Variants in TRNT1 observed in about 807,000 individuals in gnomAD.
The protein encoded by TRNT1 is tRNA nucleotidyl transferase 1.
TRNT1 carries 44 observed loss-of-function variants against 45.6 expected under a neutral mutation model. The observed-to-expected ratio is 0.97, with a 90% confidence interval of 0.76 to 1.24. The LOEUF is 1.24. Ranked by LOEUF, TRNT1 falls within the 50% of genes most tolerant of loss-of-function variation. The pLI is 0.00. For synonymous variants in TRNT1, 201 were observed against 171.4 expected (o/e 1.17, Z -1.35); for missense variants, 633 against 504.4 (o/e 1.25, Z -2.44).
chr3:3,147,529 T>C lies in TRNT1; in HGVS notation c.882T>C (p.Thr294=). 7 of 1,613,992 alleles carry C rather than the reference T, an allele frequency of 4.3e-6. No individual in the cohort carries two copies. The highest frequency in any genetic ancestry group is 5.9e-6 in the Non-Finnish European group (7 of 1,179,880). ...ATGGTTTTTCACCAAAGCCAGTGAC[T>C]CTTTTGGCCTCATTATTCAAAGTAC... ...NVDGFSPKPV[T]LLASLFKVQD... is the part of the protein sequence containing the mutation. Residue 294 remains threonine, a synonymous_variant, in exon 7 of 8, where the codon ACT becomes ACC. Coordinates refer to ENST00000251607, the MANE Select transcript of TRNT1 (RefSeq NM_182916.3).
chr3:3,146,297 T>A, intron 5 of TRNT1, 133 bp from the exon 6 acceptor site: 1 of 601,278 alleles, frequency 1.7e-6, no homozygotes. Flanking sequence ...CTAAGGTCCC[T>A]TCTAGACCTA....
In TRNT1 at chr3:3,148,125, G is replaced by GAACT; in HGVS notation, c.1277_1280dup (p.Leu428ThrfsTer40). The GAACT allele has an allele frequency of 6.2e-7, 1 of 1,613,604 alleles. No homozygotes were observed. The highest frequency in any genetic ancestry group is 8.5e-7 in the Non-Finnish European group (1 of 1,179,718). On this transcript the variant is annotated frameshift_variant, in exon 8 of 8. Transcript: ENST00000251607. LOFTEE classifies it high-confidence loss of function. The stretch of plus-strand genomic sequence containing the variant: ...AAGTGGTTACCAAATGGAAAAAGAT[G>GAACT]AACTTCTGAGTTACATAAAGAAGAC...
intron 2 of TRNT1, among the ~76,000 whole-genome samples, chr3:3,136,207 T>C (rs144827151): frequency 0.013 from 1,953 of 152,318 alleles, 54 homozygotes; most frequent in African/African-American, 0.045. Flanking sequence ...GGTCACAGAA[T>C]GGGCTTGTCT....
downstream of TRNT1, among the ~76,000 whole-genome samples, chr3:3,151,962 G>T (rs1705804): frequency 0.67 from 101,450 of 151,986 alleles, 36,087 homozygotes; most frequent in Middle Eastern, 0.84. Flanking sequence ...AGTTCTACTG[G>T]GTCATAAGAC....
intron 2 of TRNT1, among the ~76,000 whole-genome samples, chr3:3,134,696 A>G (rs1173360522): frequency 1.3e-5 from 2 of 152,058 alleles, no homozygotes; most frequent in Admixed American, 6.5e-5. Flanking sequence ...AAAACCCAAT[A>G]CTTACCAGTG....
downstream of TRNT1, among the ~76,000 whole-genome samples, chr3:3,151,759 A>G (rs192143338): frequency 1.3e-5 from 2 of 152,268 alleles, no homozygotes; most frequent in East Asian, 3.9e-4. Context: ...CCCTCTTTGA[A>G]AACTGAAGAT....
rs574550338 is a variant in TRNT1 at position 3,138,847 on chromosome 3, C to G, written c.342+1394C>G. On this transcript the variant is annotated intron_variant, in intron 3 of 7. Transcript: ENST00000251607. ...ATTTTGACAGTGTCTTTGTTTCCTC[C>G]GAGTGTTTTCTTTCAGGTTGGCTTT... is the stretch of plus-strand genomic sequence containing the variant. 3.9e-5 allele frequency among the ~76,000 whole-genome samples: 6 copies of G among 152,166 alleles called. No individual in the cohort carries two copies. The South Asian group carries it at 1.2e-3, about 32-fold the overall frequency.
rs191281225 is a variant in TRNT1 at position 3,147,219 on chromosome 3, T to C, written c.803-231T>C. On this transcript the variant is annotated intron_variant, in intron 6 of 7. Transcript: ENST00000251607. ...CCACTGTCACCACTACCCCTGGAAC[T>C]CTTGATGTAGCTTTAATGGAAACAA... Among the ~76,000 whole-genome samples, 552 of 152,270 alleles carry C rather than the reference T, an allele frequency of 3.6e-3. 5 individuals carry two copies. The highest frequency in any genetic ancestry group is 0.012 in the African/African-American group (519 of 41,548).
chr3:3,153,011 T>C (rs950129213), downstream of TRNT1: 11 of 297,472 alleles, frequency 3.7e-5, no homozygotes, highest in African/African-American at 2.4e-4. Context: ...TGTCATAAAA[T>C]GATTTTCAAA....
At chr3:3,144,527 G>C in intron 4 of TRNT1, 57 bp from the exon 5 acceptor site, 1 of 1,502,668 alleles carries the variant, frequency 6.7e-7, no homozygotes, top group Non-Finnish European at 9.1e-7. Flanking sequence ...ATTTTCTTGT[G>C]TTTTCAAATT....
In TRNT1 at chr3:3,146,684, A is replaced by G. The variant is rs1346380869; in HGVS notation, c.802+61A>G. ...AGTGAAATATCTGGTTTCAAATTTC[A>G]TAAGGAAAAAATGTTTGACTCATTT... is the stretch of plus-strand genomic sequence containing the variant. On this transcript the variant is annotated intron_variant, in intron 6 of 7. Coordinates refer to ENST00000251607, the MANE Select transcript of TRNT1 (RefSeq NM_182916.3). The G allele has an allele frequency of 2.4e-5, 33 of 1,390,592 alleles. No homozygotes were observed. In the East Asian group the frequency reaches 4.7e-4, roughly 20 times the overall value. 86.1% of individuals were successfully genotyped at this position (1,390,592 alleles called of 1,614,324 possible). A position where few individuals can be genotyped will look rare whatever the true frequency, so the allele number is the denominator to read the frequency against.
chr3:3,152,907 G>C, downstream of TRNT1: 1 of 373,984 alleles, frequency 2.7e-6, no homozygotes, highest in East Asian at 5.9e-5. Context: ...GAGAGTGTAA[G>C]TGCAATGACA....
chr3:3,152,766 G>C (rs536256622), downstream of TRNT1, among the ~76,000 whole-genome samples: 1 of 152,172 alleles, frequency 6.6e-6, no homozygotes, highest in Non-Finnish European at 1.5e-5. Context: ...ACAGCTGGCA[G>C]ACAGGCCTGT....
rs867162998 is a variant in TRNT1 at position 3,148,301 on chromosome 3, A to G, written c.*147A>G. On this transcript the variant is annotated 3_prime_UTR_variant, in exon 8 of 8. Transcript: ENST00000251607. ...ACAAGGGTCTTATTTTGTGAATTATATATTTCAAGAACTAAACAGAGATCC... is the reference window on the plus strand; with the variant it reads ...ACAAGGGTCTTATTTTGTGAATTATGTATTTCAAGAACTAAACAGAGATCC... The G allele has an allele frequency of 7.3e-5, 57 of 784,512 alleles. No individual in the cohort carries two copies. The highest frequency in any genetic ancestry group is 3.0e-4 in the Admixed American group (10 of 33,346). The allele number at this position is 784,512 out of a possible 1,614,324, so 48.6% of individuals were successfully genotyped here.
rs1394962057 is a variant in TRNT1 at position 3,129,842 on chromosome 3, A to G, written c.148+654A>G. 7 of 1,546,994 alleles carry G rather than the reference A, an allele frequency of 4.5e-6. No homozygotes were observed. In the South Asian group the frequency reaches 4.8e-5, roughly 11 times the overall value. On this transcript the variant is annotated intron_variant, in intron 2 of 7. Coordinates refer to ENST00000251607, the MANE Select transcript of TRNT1 (RefSeq NM_182916.3). ...GCCTGTGTTTCTGTAACTACTAACT[A>G]GAGAGCTAGGTTTCGAACTTACGCA...
chr3:3,143,308 G>A lies in TRNT1; in HGVS notation c.482-1276G>A, dbSNP rs148142557. 2.6e-3 allele frequency among the ~76,000 whole-genome samples: 398 copies of A among 152,024 alleles called. 3 individuals are homozygous for A. The highest frequency in any genetic ancestry group is 9.1e-3 in the African/African-American group (379 of 41,464). ...TGTCTCAGGCAAACCAGTATGAAGTGGTCACTCTACTAATTAATACTTGAG... is the reference window on the plus strand; with the variant it reads ...TGTCTCAGGCAAACCAGTATGAAGTAGTCACTCTACTAATTAATACTTGAG... On this transcript the variant is annotated intron_variant, in intron 4 of 7. Coordinates refer to ENST00000251607, the MANE Select transcript of TRNT1 (RefSeq NM_182916.3).
downstream of TRNT1, chr3:3,152,625 G>A (rs961576491): frequency 9.3e-6 from 15 of 1,612,678 alleles, no homozygotes; most frequent in Middle Eastern, 1.6e-4. Context: ...ACGTCAAAAC[G>A]AGAAGTCTAA....
At chr3:3,147,826 G>A in intron 7 of TRNT1, 80 bp from the exon 8 acceptor site, 4 of 1,527,842 alleles carry the variant, frequency 2.6e-6, no homozygotes, top group Non-Finnish European at 3.5e-6. Context: ...AATTTATGTT[G>A]AGTATTTAAA....
chr3:3,152,151 T>A (rs1479196839), downstream of TRNT1, among the ~76,000 whole-genome samples: 1 of 18,946 alleles, frequency 5.3e-5, no homozygotes, highest in Admixed American at 5.6e-4. Context: ...TTTAAATAAA[T>A]TTTTTTTTTT....
Sources: gnomAD v4.1 joint callset for allele counts (sites outside exome capture counted in the v4.1 genomes callset) on GRCh38, gnomAD v4.1.1 for gene constraint, MANE v1.5 for transcripts, NCBI Gene and HGNC (gene_info 2026-07-23, HGNC 2026-07-21) for gene names.